Variants in DAB2 observed in about 807,000 individuals in gnomAD.
DAB2 encodes DAB adaptor protein 2.
In DAB2, 28 loss-of-function variants were observed where a neutral mutation model predicts 71.6. The ratio of observed to expected loss-of-function variants is 0.39; its 90% CI spans 0.29 to 0.54. The LOEUF (loss-of-function observed/expected upper bound fraction) is 0.54, where lower values mean the gene tolerates loss of function less well. Among genes scored for constraint, DAB2 ranks in the 20% least tolerant of loss-of-function variants. The pLI is 0.68. For synonymous variants in DAB2, 345 were observed against 339.7 expected (o/e 1.02, Z -0.17); for missense variants, 867 against 928.8 (o/e 0.93, Z 0.86).
At chr5:39,400,175 G>C (rs1755464013) in intron 1 of DAB2, among the ~76,000 whole-genome samples, 1 of 151,854 alleles carries the variant, frequency 6.6e-6, no homozygotes, top group Non-Finnish European at 1.5e-5. Context: ...CAAACACCTA[G>C]TATACCAACC....
chr5:39,411,094 T>C (rs1297240761), intron 1 of DAB2, among the ~76,000 whole-genome samples: 1 of 152,122 alleles, frequency 6.6e-6, no homozygotes, highest in Non-Finnish European at 1.5e-5. Context: ...ATCATGGGGG[T>C]ACCACTCTGG....
In DAB2 at chr5:39,382,902, G is replaced by A. The variant is rs764745349; in HGVS notation, c.1057C>T (p.Arg353Trp). The change falls in exon 10 of 15, where the codon CGG (arginine) becomes TGG (tryptophan). Residue 353 changes from arginine to tryptophan, a missense_variant. Physicochemically the swap from Arg to Trp is moderately radical, Grantham distance 101. Around this residue, in one of 2 missense-constraint regions of DAB2, gnomAD observed 740 missense variants for 734.3 expected, o/e 1.01. Coordinates refer to ENST00000320816, the MANE Select transcript of DAB2 (RefSeq NM_001343.4). ...GCCTGAGCTTCCTGTTTGCCAGTCC[G>A]GTTAGAGATCTGGTCAAATTGCTGA... is the stretch of plus-strand genomic sequence containing the variant. ...FGQQFDQISN[R>W]TGKQEAQAGP... The A allele has an allele frequency of 1.6e-5, 26 of 1,613,990 alleles. No homozygotes were observed. In the African/African-American group the frequency reaches 2.5e-4, roughly 16 times the overall value.
At chr5:39,379,504 T>C (rs543903405) in intron 11 of DAB2, among the ~76,000 whole-genome samples, 1 of 151,698 alleles carries the variant, frequency 6.6e-6, no homozygotes, top group East Asian at 1.9e-4. Context: ...TTCAAGGCTT[T>C]CCCAGTATAT....
intron 1 of DAB2, among the ~76,000 whole-genome samples, chr5:39,415,313 G>A (rs959426306): frequency 2.0e-5 from 3 of 152,026 alleles, no homozygotes; most frequent in East Asian, 3.9e-4. Context: ...TATACCTGAG[G>A]GTATTGAAGA....
chr5:39,384,976 T>C (rs1755065094), intron 9 of DAB2, among the ~76,000 whole-genome samples: 2 of 152,072 alleles, frequency 1.3e-5, no homozygotes, highest in Non-Finnish European at 1.5e-5. Context: ...ACTCCTTGGC[T>C]TTTAAAAGAA....
chr5:39,399,241 A>G (rs1561374696), intron 1 of DAB2, among the ~76,000 whole-genome samples: 1 of 152,110 alleles, frequency 6.6e-6, no homozygotes, highest in Non-Finnish European at 1.5e-5. Flanking sequence ...CAAAAAGTGC[A>G]AAATTAGTCA....
intron 1 of DAB2, chr5:39,418,170 T>G (rs1383733471): frequency 4.6e-5 from 7 of 152,230 alleles, no homozygotes; most frequent in Admixed American, 3.9e-4. Flanking sequence ...GATGGATATT[T>G]GAGCACCTAC....
At chr5:39,407,306 G>A (rs184460143) in intron 1 of DAB2, among the ~76,000 whole-genome samples, 107 of 152,236 alleles carry the variant, frequency 7.0e-4, no homozygotes, top group African/African-American at 2.5e-3. Flanking sequence ...TGCAACCTCC[G>A]CCTCCCAGGT....
intron 1 of DAB2, among the ~76,000 whole-genome samples, chr5:39,411,270 T>C (rs1185625523): frequency 6.6e-6 from 1 of 152,030 alleles, no homozygotes; most frequent in Non-Finnish European, 1.5e-5. Context: ...CATCAATGAG[T>C]CATAATAAAG....
At chr5:39,385,550 G>A (rs62358398) in intron 9 of DAB2, 4,568 of 152,312 alleles carry the variant, frequency 0.03, 102 homozygotes, top group Non-Finnish European at 0.044. Flanking sequence ...CTTGGTCAGC[G>A]CCTCATTCAT....
intron 11 of DAB2, 146 bp from the exon 12 acceptor site, chr5:39,377,428 T>C: frequency 2.4e-6 from 2 of 829,478 alleles, no homozygotes; most frequent in Non-Finnish European, 3.8e-6. Flanking sequence ...ATATGACAGA[T>C]TAATCACTGT....
intron 9 of DAB2, among the ~76,000 whole-genome samples, chr5:39,386,271 T>C (rs1380869560): frequency 6.6e-6 from 1 of 152,212 alleles, no homozygotes; most frequent in East Asian, 1.9e-4. Flanking sequence ...TATTTGAAAC[T>C]CATAAAACTT....
rs1756013018 is a variant in DAB2 at position 39,422,453 on chromosome 5, A to G, written c.-102+2351T>C. ...TTGTCTTTAAGAAGAGCAATAATTA[A>G]ATCCTCAGGTCAAAAGAATGAGGAA... On this transcript the variant is annotated intron_variant, in intron 1 of 14. Transcript: ENST00000320816. This position sits in a 1 kb window ranked among gnomAD's most constrained non-coding sequence, Gnocchi z 4.1. Among the ~76,000 whole-genome samples, 1 of 152,210 alleles carries G rather than the reference A, an allele frequency of 6.6e-6. No individual in the cohort carries two copies. The highest frequency in any genetic ancestry group is 1.9e-4 in the East Asian group (1 of 5,200).
intron 2 of DAB2, among the ~76,000 whole-genome samples, chr5:39,393,703 T>C (rs1755290506): frequency 6.6e-6 from 1 of 152,032 alleles, no homozygotes; most frequent in Admixed American, 6.6e-5. Context: ...TTTTAAGTCT[T>C]TAAAGGAATA....
intron 1 of DAB2, among the ~76,000 whole-genome samples, chr5:39,412,309 C>A (rs767806523): frequency 9.2e-5 from 14 of 152,044 alleles, no homozygotes; most frequent in Non-Finnish European, 1.6e-4. Flanking sequence ...TTGTTTAGAG[C>A]ACATGGGGGT....
At chr5:39,408,654 C>T (rs918734025) in intron 1 of DAB2, 5 of 152,142 alleles carry the variant, frequency 3.3e-5, no homozygotes, top group African/African-American at 1.2e-4. Flanking sequence ...TTCCTTTAGA[C>T]AAGACATGGT....
At position 39,406,005 on chromosome 5, in the gene DAB2, G is replaced by C. The variant is rs533528374; in HGVS notation, c.-101-11584C>G. ...ATATGGCTTTATTATGGGGTTGGAAGAGTTTGGCAAAGGCTACTCTTTCCC... is the reference window on the plus strand; with the variant it reads ...ATATGGCTTTATTATGGGGTTGGAACAGTTTGGCAAAGGCTACTCTTTCCC... On this transcript the variant is annotated intron_variant, in intron 1 of 14. Transcript: ENST00000320816. Among the ~76,000 whole-genome samples, 151 of 152,216 alleles carry C rather than the reference G, an allele frequency of 9.9e-4. 4 individuals carry two copies. In the South Asian group the frequency reaches 0.03, roughly 30 times the overall value.
At chr5:39,388,654 T>C (rs976603136) in intron 8 of DAB2, 145 bp downstream of exon 8, 4 of 688,846 alleles carry the variant, frequency 5.8e-6, no homozygotes, top group Non-Finnish European at 9.9e-6. Context: ...TTGACATAGA[T>C]GTTACACTAA....
At chr5:39,388,976 G>T in intron 7 of DAB2, 121 bp downstream of exon 7, 1 of 1,307,316 alleles carries the variant, frequency 7.6e-7, no homozygotes. Context: ...CATCTTTCAT[G>T]ATCAGAGAAG....
Sources: allele counts gnomAD v4.1 joint callset (sites outside exome capture counted in the v4.1 genomes callset), GRCh38; gene constraint gnomAD v4.1.1; regional missense constraint gnomAD v4.1.1; non-coding constraint Gnocchi (gnomAD v3.1); transcripts MANE v1.5; gene names NCBI Gene and HGNC (gene_info 2026-07-23, HGNC 2026-07-21).